CRB1: variants seen among roughly 807,000 people sequenced by gnomAD.
The protein encoded by CRB1 is crumbs cell polarity complex component 1, also known as protein crumbs homolog 1.
In CRB1, 83 loss-of-function variants were observed where a neutral mutation model predicts 120.0. That is an observed-to-expected ratio of 0.69 (90% CI 0.58 to 0.83). The LOEUF (loss-of-function observed/expected upper bound fraction) is 0.83, where lower values mean the gene tolerates loss of function less well. Among genes scored for constraint, CRB1 ranks in the 40% least tolerant of loss-of-function variants. The pLI is 0.00. For missense variants in CRB1, 1,699 were observed against 1,687.6 expected, an observed-to-expected ratio of 1.01 and a Z score of -0.12; for synonymous variants, 625 against 612.5, an observed-to-expected ratio of 1.02 and a Z score of -0.30.
the CRB1 span, among the ~76,000 whole-genome samples, chr1:197,252,572 ATATATATATATGTGTG>A: frequency 6.2e-5 from 3 of 48,600 alleles, no homozygotes; most frequent in African/African-American, 6.2e-5. Context: ...ATATATATAT[ATATATATATATGTGTG>A]TGTGTGTGTG....
At chr1:197,318,731 A>T (rs1658000084) in intron 1 of CRB1, among the ~76,000 whole-genome samples, 2 of 152,170 alleles carry the variant, frequency 1.3e-5, no homozygotes, top group Non-Finnish European at 2.9e-5. Flanking sequence ...TAAGTAAAAT[A>T]AGTCAGGCTT....
chr1:197,435,800 C>T lies in CRB1; in HGVS notation c.3749+188C>T, dbSNP rs76777218. On this transcript the variant is annotated intron_variant, in intron 9 of 11. Coordinates refer to ENST00000367400, the MANE Select transcript of CRB1 (RefSeq NM_201253.3). ...TCACTTACCAGGATATTCTACAGGT[C>T]AGAAAGGTAGTGTTTAAATCAGATT... is the stretch of plus-strand genomic sequence containing the variant. Among the ~76,000 whole-genome samples the T allele has an allele frequency of 7.9e-3, 1,205 of 152,164 alleles. 16 individuals are homozygous for T. The highest frequency in any genetic ancestry group is 0.027 in the African/African-American group (1,121 of 41,518).
chr1:197,414,053 A>G (rs1271924047), intron 5 of CRB1: 1 of 408,792 alleles, frequency 2.4e-6, no homozygotes, highest in African/African-American at 2.0e-5. Context: ...TAGTGTTTTT[A>G]AGATGTTTAT....
At chr1:197,372,624 TG>T (rs1293562328) in intron 5 of CRB1, among the ~76,000 whole-genome samples, 1 of 151,960 alleles carries the variant, frequency 6.6e-6, no homozygotes, top group Non-Finnish European at 1.5e-5. Flanking sequence ...TTGGGCACAG[TG>T]GTTCACACCT....
chr1:197,242,288 A>G, the CRB1 span, among the ~76,000 whole-genome samples: 7 of 152,170 alleles, frequency 4.6e-5, no homozygotes, highest in African/African-American at 1.7e-4. Context: ...GCTGTTGCCC[A>G]TTCAGTATGA....
intron 8 of CRB1, among the ~76,000 whole-genome samples, chr1:197,430,235 C>A (rs1664808585): frequency 6.6e-6 from 1 of 152,134 alleles, no homozygotes; most frequent in African/African-American, 2.4e-5. Context: ...CATATCCACC[C>A]ACTAACTATA....
intron 1 of CRB1, among the ~76,000 whole-genome samples, chr1:197,272,887 G>T (rs1248633547): frequency 2.0e-5 from 3 of 152,096 alleles, no homozygotes; most frequent in Admixed American, 1.3e-4. Flanking sequence ...CAATCTAATT[G>T]CATGCAAATT....
rs987039908 is a variant in CRB1 at position 197,371,588 on chromosome 1, G to A, written c.1171+14575G>A. 9.9e-5 allele frequency among the ~76,000 whole-genome samples: 15 copies of A among 152,020 alleles called. 1 individual carries two copies. The highest frequency in any genetic ancestry group is 4.2e-4 in the South Asian group (2 of 4,814). ...TTTTATCCTTTTTACAAGCTCATACGTTATCCTGTTCCTGTTTTGTGAATG... is the reference window on the plus strand; with the variant it reads ...TTTTATCCTTTTTACAAGCTCATACATTATCCTGTTCCTGTTTTGTGAATG... On this transcript the variant is annotated intron_variant, in intron 5 of 11. Transcript: ENST00000367400.
intron 5 of CRB1, among the ~76,000 whole-genome samples, chr1:197,420,385 A>G (rs928339771): frequency 6.6e-6 from 1 of 152,204 alleles, no homozygotes; most frequent in Admixed American, 6.5e-5. Context: ...AATAATAAAC[A>G]GGAAAGGAGC....
intron 8 of CRB1, among the ~76,000 whole-genome samples, chr1:197,430,895 T>C (rs1218473900): frequency 6.6e-6 from 1 of 151,918 alleles, no homozygotes. Context: ...AAGTACATTA[T>C]CAGCTTACTA....
In CRB1 at chr1:197,438,532, C is replaced by T. The variant is rs1558141393; in HGVS notation, c.3750-15C>T. 6.2e-7 allele frequency: 1 copy of T among 1,611,380 alleles called. No individual in the cohort carries two copies. Among genetic ancestry groups the T allele is most frequent in the Non-Finnish European group, 8.5e-7 (1 of 1,178,032 alleles). The stretch of plus-strand genomic sequence containing the variant: ...ACAAGATGAACAGCTGTGGCTCTTG[C>T]TTTTATCTCTCTAGACAGAGCAGAT... On this transcript the variant is annotated splice_polypyrimidine_tract_variant and intron_variant, in intron 9 of 11. Coordinates refer to ENST00000367400, the MANE Select transcript of CRB1 (RefSeq NM_201253.3).
chr1:197,218,774 G>T, the CRB1 span, among the ~76,000 whole-genome samples: 1 of 152,192 alleles, frequency 6.6e-6, no homozygotes, highest in African/African-American at 2.4e-5. Context: ...TGGACTGGAA[G>T]TAGTACTGGA....
At chr1:197,212,164 A>G in the CRB1 span, among the ~76,000 whole-genome samples, 1 of 152,212 alleles carries the variant, frequency 6.6e-6, no homozygotes, top group African/African-American at 2.4e-5. Context: ...TGAAAATCTC[A>G]TACACTTCTT....
intron 5 of CRB1, among the ~76,000 whole-genome samples, chr1:197,418,182 A>AT (rs906409241): frequency 2.3e-4 from 35 of 152,116 alleles, no homozygotes; most frequent in African/African-American, 8.2e-4. Flanking sequence ...CTTGTTATTA[A>AT]TTTTTTTGTT....
At chr1:197,214,099 G>A in the CRB1 span, among the ~76,000 whole-genome samples, 53 of 152,020 alleles carry the variant, frequency 3.5e-4, 1 homozygote, top group South Asian at 0.011. Context: ...AAAGTTGCGT[G>A]GTTTTTTTGT....
intron 5 of CRB1, among the ~76,000 whole-genome samples, chr1:197,372,723 A>AC (rs1211625424): frequency 6.6e-6 from 1 of 151,536 alleles, no homozygotes; most frequent in Non-Finnish European, 1.5e-5. Context: ...AAAAAAAAAA[A>AC]ACAAATAAAA....
intron 11 of CRB1, among the ~76,000 whole-genome samples, chr1:197,445,255 C>T (rs1571578834): frequency 6.6e-6 from 1 of 152,122 alleles, no homozygotes; most frequent in African/African-American, 2.4e-5. Flanking sequence ...CATTTTGCTG[C>T]GTTTTTCAGA....
chr1:197,351,947 G>A (rs1420185317), intron 4 of CRB1, among the ~76,000 whole-genome samples: 1 of 152,134 alleles, frequency 6.6e-6, no homozygotes, highest in Non-Finnish European at 1.5e-5. Flanking sequence ...CTAAGAAAAG[G>A]AGACCATTTC....
At chr1:197,462,719 T>G (rs1436151789) in intron 11 of CRB1, among the ~76,000 whole-genome samples, 1 of 152,166 alleles carries the variant, frequency 6.6e-6, no homozygotes, top group Non-Finnish European at 1.5e-5. Context: ...CAAAGTCAAA[T>G]TGTGCTGATG....
Sources: gnomAD v4.1 joint callset for allele counts (sites outside exome capture counted in the v4.1 genomes callset) on GRCh38, gnomAD v4.1.1 for gene constraint, MANE v1.5 for transcripts, NCBI Gene and HGNC (gene_info 2026-07-23, HGNC 2026-07-21) for gene names.